VPS50: variants seen among roughly 807,000 people sequenced by gnomAD.
VPS50 encodes the protein VPS50 subunit of EARP/GARPII complex.
In VPS50, 70 loss-of-function variants were observed where a neutral mutation model predicts 139.7. The ratio of observed to expected loss-of-function variants is 0.50; its 90% confidence interval spans 0.41 to 0.61. The LOEUF (loss-of-function observed/expected upper bound fraction) is 0.61, where lower values mean the gene tolerates loss of function less well. Ranked by LOEUF, VPS50 falls within the 20% of genes least tolerant of loss-of-function variation. The pLI is 0.00. For missense variants in VPS50, 921 were observed against 1,133.7 expected (o/e 0.81, Z 2.69); for synonymous variants, 365 against 376.7 (o/e 0.97, Z 0.36).
intron 16 of VPS50, among the ~76,000 whole-genome samples, chr7:93,298,649 T>C (rs1796882667): frequency 6.6e-6 from 1 of 152,228 alleles, no homozygotes; most frequent in Non-Finnish European, 1.5e-5. Flanking sequence ...AAGGTGTCTG[T>C]CATCTGTAGC....
At chr7:93,307,174 G>A (rs950943385) in intron 18 of VPS50, among the ~76,000 whole-genome samples, 46 of 151,956 alleles carry the variant, frequency 3.0e-4, no homozygotes, top group African/African-American at 1.1e-3. Flanking sequence ...ATAGGATTAG[G>A]TTCCTGTGAG....
intron 3 of VPS50, among the ~76,000 whole-genome samples, chr7:93,253,083 C>G (rs1205880714): frequency 2.0e-5 from 3 of 152,134 alleles, no homozygotes; most frequent in South Asian, 2.1e-4. Context: ...GAAGCTCAGA[C>G]TTTTAATTAC....
chr7:93,245,959 G>A, intron 2 of VPS50: 1 of 618,718 alleles, frequency 1.6e-6, no homozygotes, highest in Non-Finnish European at 2.8e-6. Context: ...TGTTTCATTT[G>A]GAAAGAGATA....
intron 2 of VPS50, among the ~76,000 whole-genome samples, chr7:93,249,654 C>G (rs1243022906): frequency 6.6e-6 from 1 of 152,128 alleles, no homozygotes; most frequent in Non-Finnish European, 1.5e-5. Flanking sequence ...GCTCATGTTG[C>G]TGCAGACTGC....
At chr7:93,281,595 C>T (rs1045775927) in intron 12 of VPS50, among the ~76,000 whole-genome samples, 3 of 151,936 alleles carry the variant, frequency 2.0e-5, no homozygotes, top group African/African-American at 7.3e-5. Flanking sequence ...TTCTGTTTTC[C>T]GACTTCTTAA....
rs1794875551 is a variant in VPS50, at chr7:93,238,191, A to G, written c.34-1675A>G. Reference sequence around the variant, plus strand: ...TTACCAGTTTTGATGCTATTCCCTCATGACTGTTGGTGAGAATTCGAGACA... The same window carrying G: ...TTACCAGTTTTGATGCTATTCCCTCGTGACTGTTGGTGAGAATTCGAGACA... On this transcript the variant is annotated intron_variant, in intron 1 of 27. Coordinates refer to ENST00000305866, the MANE Select transcript of VPS50 (RefSeq NM_017667.4). Among the ~76,000 whole-genome samples, 3 of 152,104 alleles carry G rather than the reference A, an allele frequency of 2.0e-5. No individual in the cohort carries two copies. The South Asian group carries it at 6.2e-4, about 32-fold the overall frequency.
intron 16 of VPS50, among the ~76,000 whole-genome samples, chr7:93,302,731 A>G (rs998721616): frequency 6.6e-6 from 1 of 152,090 alleles, no homozygotes; most frequent in Non-Finnish European, 1.5e-5. Flanking sequence ...TTAGCATGGT[A>G]GTAACAACTT....
At chr7:93,232,534 C>T (rs531933815) in intron 1 of VPS50, 34 bp downstream of exon 1, 7 of 1,597,646 alleles carry the variant, frequency 4.4e-6, no homozygotes, top group South Asian at 3.3e-5. Context: ...AGGCTTCCTT[C>T]ATCTCGGAAG....
intron 12 of VPS50, among the ~76,000 whole-genome samples, chr7:93,283,396 C>T (rs934656696): frequency 8.6e-5 from 13 of 151,934 alleles, no homozygotes; most frequent in Non-Finnish European, 1.6e-4. Flanking sequence ...CCACCACACC[C>T]GGCTAATTTT....
intron 20 of VPS50, among the ~76,000 whole-genome samples, chr7:93,319,302 T>C (rs1797530225): frequency 6.6e-6 from 1 of 152,216 alleles, no homozygotes; most frequent in Non-Finnish European, 1.5e-5. Flanking sequence ...ACTGATGAAT[T>C]GGCTAAGGCA....
chr7:93,233,872 T>C (rs1234888140), intron 1 of VPS50, among the ~76,000 whole-genome samples: 1 of 152,162 alleles, frequency 6.6e-6, no homozygotes, highest in Non-Finnish European at 1.5e-5. Flanking sequence ...CATGATATAA[T>C]GAAGTTAAAG....
intron 9 of VPS50, among the ~76,000 whole-genome samples, chr7:93,261,677 C>CAAAAAAAAA (rs71107890): frequency 8.0e-5 from 5 of 62,194 alleles, no homozygotes; most frequent in Non-Finnish European, 1.2e-4. Flanking sequence ...GACTCCGTCT[C>CAAAAAAAAA]AAAAAAAAAA....
At chr7:93,298,682 C>T (rs1313231222) in intron 16 of VPS50, among the ~76,000 whole-genome samples, 1 of 152,100 alleles carries the variant, frequency 6.6e-6, no homozygotes, top group Non-Finnish European at 1.5e-5. Flanking sequence ...GCATTTTGAC[C>T]ATGATGGAAA....
intron 6 of VPS50, chr7:93,257,898 G>GT (rs1795537641): frequency 3.2e-6 from 1 of 309,280 alleles, no homozygotes; most frequent in South Asian, 9.2e-5. Context: ...TTTGCACTGT[G>GT]TTTTTAAGCG....
intron 20 of VPS50, among the ~76,000 whole-genome samples, chr7:93,318,103 T>G (rs918319833): frequency 2.6e-5 from 4 of 151,466 alleles, no homozygotes; most frequent in East Asian, 3.9e-4. Context: ...ATATGTTATC[T>G]ATATACTAAT....
At chr7:93,303,386 C>T in intron 16 of VPS50, 74 bp from the exon 17 acceptor site, 1 of 614,618 alleles carries the variant, frequency 1.6e-6, no homozygotes, top group Non-Finnish European at 2.9e-6. Flanking sequence ...TTGTATTGTA[C>T]ATTATTTCCT....
At chr7:93,238,320 A>C (rs1794880408) in intron 1 of VPS50, among the ~76,000 whole-genome samples, 1 of 150,696 alleles carries the variant, frequency 6.6e-6, no homozygotes, top group African/African-American at 2.4e-5. Context: ...TCCAGCGAGC[A>C]TTCCTAGAAA....
chr7:93,272,635 G>T lies in VPS50; in HGVS notation c.703G>T (p.Glu235Ter). ...CTTGCTTCTTCTTTTAATTATATAG[G>T]AACAGCTGGACGTAGCTCTTTCCAA... ...KLQDTLEQIEEQLDVALSKIC... is the reference protein window; with the variant it reads ...KLQDTLEQIE Residue 235 changes from glutamate to a stop codon, truncating the protein, a stop_gained and splice_region_variant, in exon 11 of 28, where the codon GAA becomes TAA. Transcript: ENST00000305866. LOFTEE classifies it high-confidence loss of function. The T allele has an allele frequency of 2.2e-6, 3 of 1,395,108 alleles. No homozygotes were observed. Among genetic ancestry groups the T allele is most frequent in the South Asian group, 1.3e-5 (1 of 79,960 alleles). 86.4% of individuals were successfully genotyped at this position (1,395,108 alleles called of 1,614,324 possible). A position where few individuals can be genotyped will look rare whatever the true frequency, so the allele number is the denominator to read the frequency against.
chr7:93,288,279 G>T (rs17165250), intron 12 of VPS50, among the ~76,000 whole-genome samples: 4,611 of 152,158 alleles, frequency 0.03, 265 homozygotes, highest in African/African-American at 0.11. Context: ...CATTGTAAGG[G>T]TAGCGATTAT....
Sources: allele counts gnomAD v4.1 joint callset (sites outside exome capture counted in the v4.1 genomes callset), GRCh38; gene constraint gnomAD v4.1.1; transcripts MANE v1.5; gene names NCBI Gene and HGNC (gene_info 2026-07-23, HGNC 2026-07-21).